The following PUM2 variants were observed in gnomAD, a reference collection of about 807,000 sequenced individuals.
The protein encoded by PUM2 is pumilio homolog 2.
In PUM2, 57 loss-of-function variants were observed where a neutral mutation model predicts 124.5. That is an observed-to-expected ratio of 0.46 (90% confidence interval 0.37 to 0.57). PUM2 has a LOEUF of 0.57. PUM2 is among the 20% of genes least tolerant of loss of function. The pLI is 0.00. For missense variants in PUM2, 1,065 were observed against 1,290.6 expected, an observed-to-expected ratio of 0.83 and a Z score of 2.68; for synonymous variants, 460 against 446.1, an observed-to-expected ratio of 1.03 and a Z score of -0.39.
chr2:20,299,927 A>G lies in PUM2; in HGVS notation c.884-2249T>C, dbSNP rs926963545. Among the ~76,000 whole-genome samples the G allele has an allele frequency of 5.3e-5, 8 of 152,316 alleles. 1 individual carries two copies. The highest frequency in any genetic ancestry group is 1.9e-4 in the African/African-American group (8 of 41,564). On this transcript the variant is annotated intron_variant, in intron 7 of 20. Transcript: ENST00000361078. ...GTTGACAAATTGGTTGAGTTTATCT[A>G]AAGACCTGGGATCAATAGAAAGGAA...
At chr2:20,308,191 C>T (rs954380491) in intron 6 of PUM2, 120 bp from the exon 7 acceptor site, 1 of 1,466,868 alleles carries the variant, frequency 6.8e-7, no homozygotes, top group African/African-American at 1.4e-5. Context: ...ATACAGGACA[C>T]TTTAATCAAT....
intron 2 of PUM2, among the ~76,000 whole-genome samples, chr2:20,321,378 G>A (rs996767708): frequency 2.6e-5 from 4 of 152,188 alleles, no homozygotes; most frequent in African/African-American, 9.7e-5. Flanking sequence ...TACCAAGTGT[G>A]TCTACTATGG....
chr2:20,313,496 C>A (rs184134033), intron 3 of PUM2, among the ~76,000 whole-genome samples: 1 of 152,244 alleles, frequency 6.6e-6, no homozygotes, highest in African/African-American at 2.4e-5. Context: ...CTCCTTTTGA[C>A]AATTTATAAC....
In PUM2 at chr2:20,260,477, A is replaced by G; in HGVS notation, c.2226-11T>C. 1 of 1,595,118 alleles carries G rather than the reference A, an allele frequency of 6.3e-7. No individual in the cohort carries two copies. The highest frequency in any genetic ancestry group is 1.3e-5 in the African/African-American group (1 of 74,494). ...TTTTGCTGTATGAATCTACATAGGG[A>G]ACATTTTTAATATGACAATATGTTT... is the stretch of plus-strand genomic sequence containing the variant. On this transcript the variant is annotated splice_polypyrimidine_tract_variant and intron_variant, in intron 14 of 20. Coordinates refer to ENST00000361078, the MANE Select transcript of PUM2 (RefSeq NM_015317.5).
At chr2:20,320,675 C>T (rs1682109956) in intron 2 of PUM2, among the ~76,000 whole-genome samples, 1 of 151,854 alleles carries the variant, frequency 6.6e-6, no homozygotes, top group Non-Finnish European at 1.5e-5. Flanking sequence ...ACATTTTAAA[C>T]AATAATCTGC....
At chr2:20,306,312 G>A (rs1023961372) in intron 7 of PUM2, among the ~76,000 whole-genome samples, 3 of 152,074 alleles carry the variant, frequency 2.0e-5, no homozygotes, top group Non-Finnish European at 4.4e-5. Flanking sequence ...CTATCTTCTG[G>A]AAGTAGATAA....
intron 10 of PUM2, among the ~76,000 whole-genome samples, chr2:20,287,069 G>A (rs1031898264): frequency 4.1e-4 from 63 of 152,046 alleles, no homozygotes; most frequent in African/African-American, 1.5e-3. Flanking sequence ...CATGGTCCTC[G>A]TACTCAAGAA....
At chr2:20,268,786 C>T (rs1311946431) in intron 13 of PUM2, among the ~76,000 whole-genome samples, 1 of 152,050 alleles carries the variant, frequency 6.6e-6, no homozygotes, top group Non-Finnish European at 1.5e-5. Flanking sequence ...ATGTGTGGGG[C>T]ATTTTCATTT....
intron 16 of PUM2, among the ~76,000 whole-genome samples, chr2:20,257,043 C>CAAAAAAAA (rs58072146): frequency 5.0e-4 from 36 of 71,798 alleles, no homozygotes; most frequent in African/African-American, 8.3e-4. Context: ...GATTCCGTCT[C>CAAAAAAAA]AAAAAAAAAA....
Position 20,306,056 on chromosome 2 carries a change from T to A in PUM2, c.883+1922A>T, listed in dbSNP as rs1678192698. Among the ~76,000 whole-genome samples the A allele has an allele frequency of 2.0e-5, 3 of 151,856 alleles. No individual in the cohort carries two copies. In the South Asian group the frequency reaches 6.2e-4, roughly 32 times the overall value. ...GGTGAAACCCTGTCTCTACAAAAAA[T>A]TTGCCAGGTGTGGTGGCGTGCACCT... is the stretch of plus-strand genomic sequence containing the variant. On this transcript the variant is annotated intron_variant, in intron 7 of 20. Transcript: ENST00000361078.
rs1319269994 is a variant in PUM2, at chr2:20,283,054, A to G, written c.1613T>C (p.Leu538Ser). Residue 538 changes from leucine to serine, a missense_variant, in exon 12 of 21, where the codon TTA (leucine) becomes TCA (serine). Leu to Ser is a moderately radical substitution (Grantham distance 145, BLOSUM62 -2). This residue lies in a region of PUM2 where 968 missense variants were observed against 1,159.8 expected (regional missense o/e 0.83). Transcript: ENST00000361078. ...AGGTTGACCAGGTCCATGAGAAAATAAAGAACTACTCTGGGAGCTATTAGT... is the reference window on the plus strand; with the variant it reads ...AGGTTGACCAGGTCCATGAGAAAATGAAGAACTACTCTGGGAGCTATTAGT... ...SLTNSSQSSSLFSHGPGQPGS... is the reference protein window; with the variant it reads ...SLTNSSQSSSSFSHGPGQPGS... The G allele has an allele frequency of 4.3e-6, 7 of 1,614,014 alleles. No individual in the cohort carries two copies. The highest frequency in any genetic ancestry group is 5.1e-6 in the Non-Finnish European group (6 of 1,180,022).
At chr2:20,268,567 G>A (rs1008443791) in intron 13 of PUM2, among the ~76,000 whole-genome samples, 2 of 152,156 alleles carry the variant, frequency 1.3e-5, no homozygotes, top group Admixed American at 6.5e-5. Flanking sequence ...ACAGTGAGCA[G>A]AGACTGCACC....
chr2:20,340,192 C>G (rs1189723558), intron 1 of PUM2, among the ~76,000 whole-genome samples: 1 of 152,190 alleles, frequency 6.6e-6, no homozygotes, highest in Non-Finnish European at 1.5e-5. Flanking sequence ...CTCCTGTCAT[C>G]CAAGACTACT....
chr2:20,351,367 G>C (rs1689322376), upstream of PUM2, among the ~76,000 whole-genome samples: 1 of 152,186 alleles, frequency 6.6e-6, no homozygotes, highest in African/African-American at 2.4e-5. Context: ...ATGCATCTGG[G>C]GGTGGAAGAT....
At chr2:20,274,566 T>C (rs1669753622) in intron 13 of PUM2, among the ~76,000 whole-genome samples, 1 of 152,124 alleles carries the variant, frequency 6.6e-6, no homozygotes, top group African/African-American at 2.4e-5. Flanking sequence ...CACAGCTGTT[T>C]ACCTGCTGAA....
intron 1 of PUM2, among the ~76,000 whole-genome samples, chr2:20,347,681 G>A (rs1470989184): frequency 1.3e-5 from 2 of 152,224 alleles, no homozygotes; most frequent in East Asian, 3.8e-4. Context: ...AGACACAGTA[G>A]TTGGACTTGT....
At chr2:20,324,821 A>G (rs1359785563) in intron 2 of PUM2, among the ~76,000 whole-genome samples, 1 of 152,174 alleles carries the variant, frequency 6.6e-6, no homozygotes, top group Non-Finnish European at 1.5e-5. Context: ...TTAGTCCTAC[A>G]TGTAGATGTA....
intron 1 of PUM2, among the ~76,000 whole-genome samples, chr2:20,329,387 G>A (rs147398378): frequency 7.2e-4 from 105 of 146,154 alleles, no homozygotes; most frequent in Middle Eastern, 3.5e-3. Context: ...AGCCATGAGC[G>A]TACCACTGCA....
At chr2:20,294,264 G>C (rs916190925) in intron 9 of PUM2, 112 bp downstream of exon 9, 1 of 1,167,322 alleles carries the variant, frequency 8.6e-7, no homozygotes, top group Admixed American at 2.4e-5. Flanking sequence ...TGTATGCCAG[G>C]AGTCGTGTTA....
Sources: gnomAD v4.1 joint callset for allele counts (sites outside exome capture counted in the v4.1 genomes callset) on GRCh38, gnomAD v4.1.1 for gene constraint, gnomAD v4.1.1 regional missense constraint, MANE v1.5 for transcripts, NCBI Gene and HGNC (gene_info 2026-07-23, HGNC 2026-07-21) for gene names.